Variants in NUBPL observed in about 807,000 individuals in gnomAD.
NUBPL encodes the protein NUBP iron-sulfur cluster assembly factor, mitochondrial.
NUBPL carries 31 observed loss-of-function variants against 45.7 expected under a neutral mutation model. That is an observed-to-expected ratio of 0.68 (90% CI 0.51 to 0.92). The LOEUF is 0.92. Among genes scored for constraint, NUBPL ranks in the 40% least tolerant of loss-of-function variants. The pLI is 0.00. For missense variants in NUBPL, 401 were observed against 398.7 expected, an observed-to-expected ratio of 1.01 and a Z score of -0.05; for synonymous variants, 144 against 140.9, an observed-to-expected ratio of 1.02 and a Z score of -0.15.
chr14:31,648,238 G>A (rs141525069), intron 4 of NUBPL, among the ~76,000 whole-genome samples: 23 of 152,132 alleles, frequency 1.5e-4, no homozygotes, highest in African/African-American at 5.3e-4. Context: ...TTCAAACCAG[G>A]CAATTAAAAG....
At chr14:31,695,495 T>C (rs12433808) in intron 6 of NUBPL, among the ~76,000 whole-genome samples, 45,230 of 152,002 alleles carry the variant, frequency 0.3, 7,519 homozygotes, top group South Asian at 0.41. Context: ...AACTTGGTCC[T>C]CAACCAGGCA....
At chr14:31,847,613 T>C (rs1442743429) in intron 9 of NUBPL, among the ~76,000 whole-genome samples, 1 of 152,220 alleles carries the variant, frequency 6.6e-6, no homozygotes, top group African/African-American at 2.4e-5. Flanking sequence ...TGGGTTTCTG[T>C]TCTTGCCAAA....
chr14:31,623,005 A>G lies in NUBPL; in HGVS notation c.382+23626A>G, dbSNP rs532753658. Among the ~76,000 whole-genome samples the G allele has an allele frequency of 9.8e-5, 15 of 152,362 alleles. No individual in the cohort carries two copies. In the East Asian group the frequency reaches 2.9e-3, roughly 29 times the overall value. ...TAGTCACTCAATGTCAGTTCATGAA[A>G]GCAGCCACAGGGGCTGTACTCTGCA... On this transcript the variant is annotated intron_variant, in intron 4 of 10. Coordinates refer to ENST00000281081, the MANE Select transcript of NUBPL (RefSeq NM_025152.3).
At chr14:31,732,666 C>T (rs2038078565) in intron 6 of NUBPL, among the ~76,000 whole-genome samples, 1 of 131,796 alleles carries the variant, frequency 7.6e-6, no homozygotes, top group Non-Finnish European at 1.5e-5. Flanking sequence ...GGCTGGAGTG[C>T]AGTGGCATGA....
chr14:31,739,123 C>T (rs1294968940), intron 6 of NUBPL, among the ~76,000 whole-genome samples: 2 of 146,892 alleles, frequency 1.4e-5, no homozygotes, highest in Non-Finnish European at 3.0e-5. Context: ...GAGCAATTCT[C>T]CTGCCTCAGC....
chr14:31,667,613 C>T (rs1029074225), intron 4 of NUBPL, among the ~76,000 whole-genome samples: 1 of 152,080 alleles, frequency 6.6e-6, no homozygotes, highest in Non-Finnish European at 1.5e-5. Context: ...GTTGTGATTA[C>T]TTGGAGGAGA....
At chr14:31,747,072 C>CA (rs371061163) in intron 6 of NUBPL, among the ~76,000 whole-genome samples, 677 of 65,110 alleles carry the variant, frequency 0.01, 7 homozygotes, top group African/African-American at 0.02. Context: ...AACCTGTCTC[C>CA]AAAAAAAAAA....
Position 31,683,974 on chromosome 14 carries a change from G to GT in NUBPL, c.513+10406dup, listed in dbSNP as rs527517114. 3.3e-3 allele frequency among the ~76,000 whole-genome samples: 505 copies of GT among 152,184 alleles called. 2 individuals are homozygous for GT. Among genetic ancestry groups the GT allele is most frequent in the African/African-American group, 0.011 (458 of 41,538 alleles). On this transcript the variant is annotated intron_variant, in intron 6 of 10. Transcript: ENST00000281081. The stretch of plus-strand genomic sequence containing the variant: ...CTTTAGTTGTTCTGTGAGTAAGGTG[G>GT]TTTTTTCTCTGGCAGTTTTCATAAT...
rs1219043903 is a variant in NUBPL, at chr14:31,688,660, T to TG, written c.513+15086_513+15087insG. On this transcript the variant is annotated intron_variant, in intron 6 of 10. Transcript: ENST00000281081. ...TGCCTGAACAGGTTTTTGTTGTTGT[T>TG]TTTTTTTTTTTTTAACTTTTAGGTT... 1.4e-3 allele frequency among the ~76,000 whole-genome samples: 202 copies of TG among 142,972 alleles called. No homozygotes were observed. The East Asian group carries it at 0.018, about 13-fold the overall frequency. The allele number at this position is 142,972 out of a possible 152,430, so 93.8% of individuals were successfully genotyped here. A position where few individuals can be genotyped will look rare whatever the true frequency, so the allele number is the denominator to read the frequency against.
At chr14:31,661,538 T>C (rs974945981) in intron 4 of NUBPL, among the ~76,000 whole-genome samples, 1 of 152,232 alleles carries the variant, frequency 6.6e-6, no homozygotes, top group African/African-American at 2.4e-5. Flanking sequence ...ATTTCATTTC[T>C]GGTAATTTTT....
At chr14:31,636,377 A>G (rs1179750299) in intron 4 of NUBPL, among the ~76,000 whole-genome samples, 1 of 152,120 alleles carries the variant, frequency 6.6e-6, no homozygotes, top group Non-Finnish European at 1.5e-5. Flanking sequence ...GGTTCTGTTT[A>G]TATGCTGGAT....
At chr14:31,619,385 G>A (rs1208308363) in intron 4 of NUBPL, among the ~76,000 whole-genome samples, 1 of 152,176 alleles carries the variant, frequency 6.6e-6, no homozygotes, top group East Asian at 1.9e-4. Context: ...AGTGTCGATG[G>A]CCTTTACAAT....
At chr14:31,648,656 A>G (rs1170137917) in intron 4 of NUBPL, among the ~76,000 whole-genome samples, 3 of 152,256 alleles carry the variant, frequency 2.0e-5, no homozygotes, top group Non-Finnish European at 4.4e-5. Context: ...AATTAAACAT[A>G]GACTATACAT....
At chr14:31,619,392 C>A (rs1286915689) in intron 4 of NUBPL, among the ~76,000 whole-genome samples, 2 of 152,210 alleles carry the variant, frequency 1.3e-5, no homozygotes, top group Non-Finnish European at 2.9e-5. Flanking sequence ...ATGGCCTTTA[C>A]AATTTGGCAT....
At chr14:31,639,075 T>C (rs11156694) in intron 4 of NUBPL, among the ~76,000 whole-genome samples, 44,135 of 152,108 alleles carry the variant, frequency 0.29, 7,419 homozygotes, top group South Asian at 0.41. Flanking sequence ...TGAAGCCTTC[T>C]TCTCTCAGCT....
intron 8 of NUBPL, among the ~76,000 whole-genome samples, chr14:31,832,241 A>G (rs1463934935): frequency 1.3e-5 from 2 of 152,208 alleles, no homozygotes; most frequent in African/African-American, 4.8e-5. Context: ...TTGGAAAAAC[A>G]TGGTGTAGGT....
intron 3 of NUBPL, among the ~76,000 whole-genome samples, chr14:31,589,860 T>C (rs1435775605): frequency 6.6e-6 from 1 of 152,236 alleles, no homozygotes; most frequent in African/African-American, 2.4e-5. Flanking sequence ...AGCTGTTGGC[T>C]GGATGTTTCC....
intron 6 of NUBPL, among the ~76,000 whole-genome samples, chr14:31,728,952 A>C (rs2037985550): frequency 1.3e-5 from 2 of 152,200 alleles, no homozygotes; most frequent in South Asian, 4.1e-4. Flanking sequence ...GAGTTTAAGC[A>C]CCTGAAATTG....
chr14:31,695,666 G>A (rs983151292), intron 6 of NUBPL, among the ~76,000 whole-genome samples: 10 of 152,096 alleles, frequency 6.6e-5, no homozygotes, highest in Admixed American at 2.0e-4. Flanking sequence ...TTGCTTACTC[G>A]TCCTTTCTTA....
Sources: allele counts gnomAD v4.1 joint callset (sites outside exome capture counted in the v4.1 genomes callset), GRCh38; gene constraint gnomAD v4.1.1; transcripts MANE v1.5; gene names NCBI Gene and HGNC (gene_info 2026-07-23, HGNC 2026-07-21).